The following DPP10 variants were observed in gnomAD, a reference collection of about 807,000 sequenced individuals.
DPP10 encodes inactive dipeptidyl peptidase 10.
Under a neutral mutation model 120.9 loss-of-function variants are expected in DPP10, and 33 were observed. That is an observed-to-expected ratio of 0.27 (90% CI 0.21 to 0.37). DPP10 has a LOEUF of 0.37. Ranked by LOEUF, DPP10 falls within the 10% of genes least tolerant of loss-of-function variation. The pLI is 1.00. For missense variants in DPP10, 816 were observed against 942.8 expected (o/e 0.87, Z 1.76); for synonymous variants, 337 against 326.1 (o/e 1.03, Z -0.36).
At chr2:114,597,928 T>C (rs1692057907) in intron 1 of DPP10, among the ~76,000 whole-genome samples, 1 of 151,960 alleles carries the variant, frequency 6.6e-6, no homozygotes, top group South Asian at 2.1e-4. Flanking sequence ...TATCTTTGTA[T>C]GCAGTACAAT....
intron 1 of DPP10, among the ~76,000 whole-genome samples, chr2:114,558,643 C>T (rs1356590455): frequency 1.1e-4 from 16 of 152,230 alleles, no homozygotes; most frequent in Non-Finnish European, 2.4e-4. Flanking sequence ...ATGCTGAGTG[C>T]CCAGCCCAAT....
intron 1 of DPP10, among the ~76,000 whole-genome samples, chr2:114,942,898 G>A (rs921828320): frequency 2.6e-5 from 4 of 152,044 alleles, no homozygotes; most frequent in Non-Finnish European, 5.9e-5. Flanking sequence ...AAAATGAACT[G>A]TTTTTCTTTT....
At chr2:115,361,030 C>T (rs1359739626) in intron 3 of DPP10, among the ~76,000 whole-genome samples, 2 of 152,110 alleles carry the variant, frequency 1.3e-5, no homozygotes, top group Non-Finnish European at 1.5e-5. Context: ...TAGTTTTGTC[C>T]CAAGCCTTTT....
chr2:114,586,943 T>A (rs887168445), intron 1 of DPP10, among the ~76,000 whole-genome samples: 1 of 152,208 alleles, frequency 6.6e-6, no homozygotes, highest in African/African-American at 2.4e-5. Context: ...AAGCAGATGC[T>A]GGTAACCATG....
chr2:114,903,689 T>C (rs1037409816), intron 1 of DPP10, among the ~76,000 whole-genome samples: 8 of 152,212 alleles, frequency 5.3e-5, no homozygotes, highest in Non-Finnish European at 7.4e-5. Context: ...TAACCATCAT[T>C]GTGACTGTAT....
chr2:115,415,841 T>TTATATATATATA (rs70941057), intron 3 of DPP10, among the ~76,000 whole-genome samples: 1,227 of 74,146 alleles, frequency 0.017, 34 homozygotes, highest in East Asian at 0.025. Context: ...TGATTTGCTT[T>TTATATATATATA]TATATATATA....
intron 1 of DPP10, among the ~76,000 whole-genome samples, chr2:114,747,330 G>A (rs1678669347): frequency 6.6e-6 from 1 of 152,066 alleles, no homozygotes; most frequent in African/African-American, 2.4e-5. Context: ...TTTATCCTTT[G>A]TAAGTGTGAT....
At chr2:115,720,929 G>A (rs66769521) in intron 7 of DPP10, among the ~76,000 whole-genome samples, 11,787 of 152,130 alleles carry the variant, frequency 0.077, 548 homozygotes, top group South Asian at 0.14. Context: ...GGTGGGCCGG[G>A]AGCCAAAAAG....
At chr2:114,690,337 G>A (rs970996121) in intron 1 of DPP10, among the ~76,000 whole-genome samples, 2 of 151,938 alleles carry the variant, frequency 1.3e-5, no homozygotes, top group South Asian at 2.1e-4. Context: ...GATTAAATGG[G>A]GAGTCCTTTC....
chr2:115,254,917 CGTT>C (rs2058915657), intron 1 of DPP10, among the ~76,000 whole-genome samples: 2 of 152,130 alleles, frequency 1.3e-5, no homozygotes, highest in African/African-American at 4.8e-5. Context: ...CATGGGCTGG[CGTT>C]GTCTGTGGCT....
chr2:114,780,093 A>G (rs1019443860), intron 1 of DPP10, among the ~76,000 whole-genome samples: 1 of 151,832 alleles, frequency 6.6e-6, no homozygotes, highest in Non-Finnish European at 1.5e-5. Context: ...CCGAGATTGC[A>G]CCACTGCACT....
intron 1 of DPP10, among the ~76,000 whole-genome samples, chr2:114,450,294 G>A (rs62172126): frequency 0.093 from 14,168 of 152,016 alleles, 897 homozygotes; most frequent in East Asian, 0.33. Flanking sequence ...CTCCTAGTCA[G>A]ACTGTTATGT....
At chr2:115,005,023 C>G (rs941023747) in intron 1 of DPP10, among the ~76,000 whole-genome samples, 7 of 152,052 alleles carry the variant, frequency 4.6e-5, no homozygotes, top group African/African-American at 7.2e-5. Context: ...GGAGATCTGA[C>G]AATGGGCAGA....
intron 5 of DPP10, among the ~76,000 whole-genome samples, chr2:115,683,993 A>T (rs1254886281): frequency 1.3e-5 from 2 of 151,914 alleles, no homozygotes; most frequent in African/African-American, 4.8e-5. Context: ...TTTAAATGCC[A>T]TCCAAACCTG....
chr2:114,894,836 A>G (rs1692833138), intron 1 of DPP10, among the ~76,000 whole-genome samples: 1 of 152,186 alleles, frequency 6.6e-6, no homozygotes, highest in African/African-American at 2.4e-5. Context: ...CTGTAAAAAT[A>G]CAAAATAATT....
At chr2:115,520,317 A>G (rs1293795708) in intron 4 of DPP10, among the ~76,000 whole-genome samples, 8 of 152,124 alleles carry the variant, frequency 5.3e-5, no homozygotes, top group East Asian at 3.9e-4. Context: ...GACTCCATCA[A>G]AAAACAAAAC....
rs117041348 is a variant in DPP10 at position 114,760,033 on chromosome 2, C to A, written c.60+317195C>A. Among the ~76,000 whole-genome samples the A allele has an allele frequency of 4.0e-4, 61 of 152,324 alleles. 1 individual carries two copies. The East Asian group carries it at 0.011, about 27-fold the overall frequency. Reference sequence around the variant, plus strand: ...AGTCACCCACTTCTCACCACCTGCACCATTACCACCCTAATCTGAGCTATC... The same window carrying A: ...AGTCACCCACTTCTCACCACCTGCAACATTACCACCCTAATCTGAGCTATC... On this transcript the variant is annotated intron_variant, in intron 1 of 25. Coordinates refer to ENST00000410059, the MANE Select transcript of DPP10 (RefSeq NM_020868.6).
At chr2:114,478,161 C>T (rs1298942935) in intron 1 of DPP10, among the ~76,000 whole-genome samples, 2 of 151,882 alleles carry the variant, frequency 1.3e-5, no homozygotes, top group East Asian at 3.9e-4. Flanking sequence ...TTCTTATGAC[C>T]TAAATTTTCA....
chr2:115,044,231 G>A lies in DPP10; in HGVS notation c.61-265008G>A, dbSNP rs1559029249. ...TGTACAGGAAGCATAGCATCTTCTG[G>A]GGAGGTCTCAGGAAACTTACAATCA... On this transcript the variant is annotated intron_variant, in intron 1 of 25. Coordinates refer to ENST00000410059, the MANE Select transcript of DPP10 (RefSeq NM_020868.6). Among the ~76,000 whole-genome samples the A allele has an allele frequency of 1.3e-5, 2 of 152,192 alleles. 1 individual carries two copies. The highest frequency in any genetic ancestry group is 4.1e-4 in the South Asian group (2 of 4,826).
Sources: allele counts gnomAD v4.1 joint callset (sites outside exome capture counted in the v4.1 genomes callset), GRCh38; gene constraint gnomAD v4.1.1; transcripts MANE v1.5; gene names NCBI Gene and HGNC (gene_info 2026-07-23, HGNC 2026-07-21).